Variants in ABCF2 observed in about 807,000 individuals in gnomAD.
ABCF2 encodes the protein ATP binding cassette subfamily F member 2, also known as ATP-binding cassette sub-family F member 2.
A neutral mutation model predicts 76.9 loss-of-function variants in ABCF2; 37 were observed. The ratio of observed to expected loss-of-function variants is 0.48; its 90% CI spans 0.37 to 0.63. The LOEUF (loss-of-function observed/expected upper bound fraction) is 0.63. ABCF2 is among the 30% of genes least tolerant of loss of function. ABCF2 has a pLI of 0.00. For missense variants in ABCF2, 524 were observed against 782.1 expected (o/e 0.67, Z 3.94); for synonymous variants, 299 against 283.7 (o/e 1.05, Z -0.54).
Position 151,213,098 on chromosome 7 carries a change from T to C in ABCF2, c.*956A>G, listed in dbSNP as rs550668409. 3 of 985,210 alleles carry C rather than the reference T, an allele frequency of 3.0e-6. No homozygotes were observed. The highest frequency in any genetic ancestry group is 1.7e-5 in the African/African-American group (1 of 57,302). 61.0% of individuals were successfully genotyped at this position (985,210 alleles called of 1,614,324 possible). Reference sequence around the variant, plus strand: ...AACAAGCAGCCCAACTGCTGTGCAGTTGGGGCAGAACCTCAGATCACAATC... The same window carrying C: ...AACAAGCAGCCCAACTGCTGTGCAGCTGGGGCAGAACCTCAGATCACAATC... On this transcript the variant is annotated 3_prime_UTR_variant, in exon 15 of 15. Transcript: ENST00000287844.
rs970235812 is a variant in ABCF2, at chr7:151,218,678, G to C, written c.1138-28C>G. On this transcript the variant is annotated intron_variant, in intron 9 of 14. Transcript: ENST00000287844. Reference sequence around the variant, plus strand: ...AGGAAGAAAAGAGGGCATTTATCAAGTTGGCTCCTTTCTTATCCACCTCAC... The same window carrying C: ...AGGAAGAAAAGAGGGCATTTATCAACTTGGCTCCTTTCTTATCCACCTCAC... 3.7e-6 allele frequency: 6 copies of C among 1,613,374 alleles called. No homozygotes were observed. The Admixed American group carries it at 8.3e-5, about 22-fold the overall frequency.
In ABCF2 at chr7:151,224,992, C is replaced by T. The variant is rs368743220; in HGVS notation, c.155-4G>A. 65 of 1,613,524 alleles carry T rather than the reference C, an allele frequency of 4.0e-5. No individual in the cohort carries two copies. In the East Asian group the frequency reaches 4.7e-4, roughly 12 times the overall value. Reference sequence around the variant, plus strand: ...TCCTTGGTCAGCAAATCTACTTCTGCGGATAGAAAAGCAGTTTGGGAAGAT... The same window carrying T: ...TCCTTGGTCAGCAAATCTACTTCTGTGGATAGAAAAGCAGTTTGGGAAGAT... On this transcript the variant is annotated splice_region_variant and splice_polypyrimidine_tract_variant and intron_variant, in intron 2 of 14. Transcript: ENST00000287844.
In ABCF2 at chr7:151,213,743, G is replaced by A; in HGVS notation, c.*311C>T. The A allele has an allele frequency of 4.4e-6, 5 of 1,138,240 alleles. No homozygotes were observed. Among genetic ancestry groups the A allele is most frequent in the Non-Finnish European group, 5.4e-6 (5 of 927,806 alleles). 70.5% of individuals were successfully genotyped at this position (1,138,240 alleles called of 1,614,324 possible). Reference sequence around the variant, plus strand: ...GGCCAAATCCAGGGCTTGGGCCCCTGGGCTAACCCGCAGGTGCCTCTGACT... The same window carrying A: ...GGCCAAATCCAGGGCTTGGGCCCCTAGGCTAACCCGCAGGTGCCTCTGACT... On this transcript the variant is annotated 3_prime_UTR_variant, in exon 15 of 15. Coordinates refer to ENST00000287844, the MANE Select transcript of ABCF2 (RefSeq NM_007189.3).
rs1314625359 is a variant in ABCF2, at chr7:151,215,078, C to A, written c.1535G>T (p.Ser512Ile). The A allele has an allele frequency of 6.2e-7, 1 of 1,612,830 alleles. No individual in the cohort carries two copies. The highest frequency in any genetic ancestry group is 8.5e-7 in the Non-Finnish European group (1 of 1,179,452). ...RYGLTGKQQV[S>I]PIRNLSDGQK... ...CCCGTCTGACAAGTTCCGGATTGGG[C>A]TCACCTGAGTAGAACCGTGACCTAC... Residue 512 changes from serine (S) to isoleucine (I), a missense_variant, in exon 14 of 15, where the codon AGC (serine) becomes ATC (isoleucine). Coordinates refer to ENST00000287844, the MANE Select transcript of ABCF2 (RefSeq NM_007189.3). The surrounding 1 kb of genome is among the most constrained non-coding windows in gnomAD (Gnocchi z 4.6).
Position 151,215,162 on chromosome 7 carries a change from T to C in ABCF2, c.1531-80A>G. 7.6e-7 allele frequency: 1 copy of C among 1,319,472 alleles called. No individual in the cohort carries two copies. The highest frequency in any genetic ancestry group is 1.3e-5 in the South Asian group (1 of 78,048). The allele number at this position is 1,319,472 out of a possible 1,614,324, so 81.7% of individuals were successfully genotyped here. ...AGCTCATCTCTCCCTCATTTCTCCC[T>C]GACTCCTCCATTAGCATCGCCATTT... is the stretch of plus-strand genomic sequence containing the variant. On this transcript the variant is annotated intron_variant, in intron 13 of 14. Transcript: ENST00000287844. This position sits in a 1 kb window ranked among gnomAD's most constrained non-coding sequence, Gnocchi z 4.6.
At position 151,215,178 on chromosome 7, in the gene ABCF2, A is replaced by G. The variant is rs891134904; in HGVS notation, c.1531-96T>C. 1.0e-5 allele frequency: 12 copies of G among 1,176,196 alleles called. No homozygotes were observed. In the African/African-American group the frequency reaches 1.1e-4, roughly 10 times the overall value. The allele number at this position is 1,176,196 out of a possible 1,614,324, so 72.9% of individuals were successfully genotyped here. On this transcript the variant is annotated intron_variant, in intron 13 of 14. Transcript: ENST00000287844. The surrounding 1 kb of genome is among the most constrained non-coding windows in gnomAD (Gnocchi z 4.6). Reference sequence around the variant, plus strand: ...ATTTCTCCCTGACTCCTCCATTAGCATCGCCATTTATAAAAAGTGAGGCTC... The same window carrying G: ...ATTTCTCCCTGACTCCTCCATTAGCGTCGCCATTTATAAAAAGTGAGGCTC...
In ABCF2 at chr7:151,213,140, G is replaced by T; in HGVS notation, c.*914C>A. The T allele has an allele frequency of 1.0e-6, 1 of 985,346 alleles. No individual in the cohort carries two copies. The highest frequency in any genetic ancestry group is 1.2e-6 in the Non-Finnish European group (1 of 829,916). 61.0% of individuals were successfully genotyped at this position (985,346 alleles called of 1,614,324 possible). ...ATCACAATCAGAAAACCACGCTCCT[G>T]GACAGTGGTTCTCAAAATAGTCTCT... On this transcript the variant is annotated 3_prime_UTR_variant, in exon 15 of 15. Coordinates refer to ENST00000287844, the MANE Select transcript of ABCF2 (RefSeq NM_007189.3).
intron 4 of ABCF2, 23 bp downstream of exon 4, chr7:151,223,908 CT>C (rs1341099423): frequency 1.2e-6 from 2 of 1,609,546 alleles, no homozygotes; most frequent in African/African-American, 1.3e-5. Context: ...ACGCCCACCC[CT>C]ATGCCCAGGT....
rs1006916631 is a variant in ABCF2, at chr7:151,213,449, T to C, written c.*605A>G. The C allele has an allele frequency of 1.2e-4, 119 of 985,404 alleles. No homozygotes were observed. The highest frequency in any genetic ancestry group is 1.4e-4 in the Non-Finnish European group (117 of 830,032). 61.0% of individuals were successfully genotyped at this position (985,404 alleles called of 1,614,324 possible). A position where few individuals can be genotyped will look rare whatever the true frequency, so the allele number is the denominator to read the frequency against. Reference sequence around the variant, plus strand: ...TGGATCCAGCTCCTGCTGTGGGCAGTGCATGTTGGCACTGCAGGGAGGAGA... The same window carrying C: ...TGGATCCAGCTCCTGCTGTGGGCAGCGCATGTTGGCACTGCAGGGAGGAGA... On this transcript the variant is annotated 3_prime_UTR_variant, in exon 15 of 15. Coordinates refer to ENST00000287844, the MANE Select transcript of ABCF2 (RefSeq NM_007189.3).
At position 151,215,174 on chromosome 7, in the gene ABCF2, T is replaced by C. The variant is rs1802125838; in HGVS notation, c.1531-92A>G. On this transcript the variant is annotated intron_variant, in intron 13 of 14. Transcript: ENST00000287844. This position sits in a 1 kb window ranked among gnomAD's most constrained non-coding sequence, Gnocchi z 4.6. Reference sequence around the variant, plus strand: ...CCTCATTTCTCCCTGACTCCTCCATTAGCATCGCCATTTATAAAAAGTGAG... The same window carrying C: ...CCTCATTTCTCCCTGACTCCTCCATCAGCATCGCCATTTATAAAAAGTGAG... 4 of 1,188,334 alleles carry C rather than the reference T, an allele frequency of 3.4e-6. No individual in the cohort carries two copies. In the Admixed American group the frequency reaches 8.1e-5, roughly 24 times the overall value. The allele number at this position is 1,188,334 out of a possible 1,614,324, so 73.6% of individuals were successfully genotyped here.
chr7:151,214,934 T>C lies in ABCF2; in HGVS notation c.1679A>G (p.Asn560Ser), dbSNP rs55866446. The C allele has an allele frequency of 4.4e-3, 7,167 of 1,614,194 alleles. 24 individuals are homozygous for C. The highest frequency in any genetic ancestry group is 5.3e-3 in the Non-Finnish European group (6,300 of 1,180,034). ...ETIDALADAI[N>S]EFEGGMMLVS... is the part of the protein sequence containing the mutation. Reference sequence around the variant, plus strand: ...CAGCATCATACCACCCTCAAACTCATTGATGGCATCTGCCAGGGCGTCGAT... The same window carrying C: ...CAGCATCATACCACCCTCAAACTCACTGATGGCATCTGCCAGGGCGTCGAT... Residue 560 changes from asparagine (N) to serine (S), a missense_variant, in exon 14 of 15, where the codon AAT becomes AGT. Transcript: ENST00000287844. The surrounding 1 kb of genome is among the most constrained non-coding windows in gnomAD (Gnocchi z 4.9).
chr7:151,225,085 G>T, intron 2 of ABCF2, 97 bp from the exon 3 acceptor site: 1 of 1,080,042 alleles, frequency 9.3e-7, no homozygotes, highest in African/African-American at 1.6e-5. Flanking sequence ...ATCCTGCTGA[G>T]CACTCAGATG....
Position 151,213,774 on chromosome 7 carries a change from A to G in ABCF2, c.*280T>C. ...ACCCGCAGGTGCCTCTGACTGCATC[A>G]CACTCAGAGTAAGATAACCAGCAAG... On this transcript the variant is annotated 3_prime_UTR_variant, in exon 15 of 15. Transcript: ENST00000287844. 8.2e-7 allele frequency: 1 copy of G among 1,222,458 alleles called. No individual in the cohort carries two copies. Among genetic ancestry groups the G allele is most frequent in the East Asian group, 4.4e-5 (1 of 22,672 alleles). 75.7% of individuals were successfully genotyped at this position (1,222,458 alleles called of 1,614,324 possible).
intron 7 of ABCF2, among the ~76,000 whole-genome samples, chr7:151,219,478 C>G (rs1802223673): frequency 1.3e-5 from 2 of 152,170 alleles, no homozygotes; most frequent in Admixed American, 6.5e-5. Context: ...CAGAGCCTTC[C>G]AATACCACCT....
chr7:151,222,251 A>C (rs1183209503), intron 6 of ABCF2, among the ~76,000 whole-genome samples: 1 of 152,170 alleles, frequency 6.6e-6, no homozygotes, highest in East Asian at 1.9e-4. Flanking sequence ...ATCTTTAATT[A>C]AGATCTTGAA....
chr7:151,224,056 G>A lies in ABCF2; in HGVS notation c.426C>T (p.Ile142=), dbSNP rs143513537. The A allele has an allele frequency of 2.6e-5, 42 of 1,614,040 alleles. No individual in the cohort carries two copies. Among genetic ancestry groups the A allele is most frequent in the Non-Finnish European group, 3.6e-5 (42 of 1,180,040 alleles). Reference sequence around the variant, plus strand: ...TCTCTCGAGTCAGATGGTAGATGTCGATGTGCTCAGGGATGGGCACTTCAC... The same window carrying A: ...TCTCTCGAGTCAGATGGTAGATGTCAATGTGCTCAGGGATGGGCACTTCAC... The part of the protein sequence containing the change: ...GKREVPIPEH[I]DIYHLTREMP... The change falls in exon 4 of 15, where the codon ATC becomes ATT. Residue 142 remains isoleucine, a synonymous_variant. Coordinates refer to ENST00000287844, the MANE Select transcript of ABCF2 (RefSeq NM_007189.3).
At position 151,225,831 on chromosome 7, in the gene ABCF2, A is replaced by G. The variant is rs555794180; in HGVS notation, c.154+474T>C. Among the ~76,000 whole-genome samples, 3 of 152,356 alleles carry G rather than the reference A, an allele frequency of 2.0e-5. No individual in the cohort carries two copies. In the East Asian group the frequency reaches 5.8e-4, roughly 29 times the overall value. ...TGTATAGCACCATGTCTAGCACTTG[A>G]GAAATAATAAATATTTCCCAAAATA... On this transcript the variant is annotated intron_variant, in intron 2 of 14. Coordinates refer to ENST00000287844, the MANE Select transcript of ABCF2 (RefSeq NM_007189.3).
chr7:151,212,392 AAG>A lies in ABCF2; in HGVS notation c.*1660_*1661del, dbSNP rs1222683928. The stretch of plus-strand genomic sequence containing the variant: ...ACAAAATTTCCTGTATCCCAATAGG[AAG>A]AGAGGTTCACAGACGTTGGTGTGAA... On this transcript the variant is annotated 3_prime_UTR_variant, in exon 15 of 15. Coordinates refer to ENST00000287844, the MANE Select transcript of ABCF2 (RefSeq NM_007189.3). 1.2e-5 allele frequency: 12 copies of A among 985,380 alleles called. No individual in the cohort carries two copies. Among genetic ancestry groups the A allele is most frequent in the Admixed American group, 1.2e-4 (2 of 16,276 alleles). The allele number at this position is 985,380 out of a possible 1,614,324, so 61.0% of individuals were successfully genotyped here.
Position 151,215,523 on chromosome 7 carries a change from C to T in ABCF2, c.1530+81G>A, listed in dbSNP as rs1250151305. 3.2e-6 allele frequency: 5 copies of T among 1,562,442 alleles called. No individual in the cohort carries two copies. In the East Asian group the frequency reaches 1.1e-4, roughly 35 times the overall value. ...GGTTTGGACAGCTTCCAAACCCAGGCTGCCAGGACAGTATCCCCTGACCCA... is the reference window on the plus strand; with the variant it reads ...GGTTTGGACAGCTTCCAAACCCAGGTTGCCAGGACAGTATCCCCTGACCCA... On this transcript the variant is annotated intron_variant, in intron 13 of 14. Transcript: ENST00000287844. The surrounding 1 kb of genome is among the most constrained non-coding windows in gnomAD (Gnocchi z 4.6).
Sources: gnomAD v4.1 joint callset for allele counts (sites outside exome capture counted in the v4.1 genomes callset) on GRCh38, gnomAD v4.1.1 for gene constraint, Gnocchi (gnomAD v3.1) non-coding constraint, MANE v1.5 for transcripts, NCBI Gene and HGNC (gene_info 2026-07-23, HGNC 2026-07-21) for gene names.